The following ERC1 variants were observed in gnomAD, a reference collection of about 807,000 sequenced individuals.
ERC1 encodes the protein RAB6 interacting protein 2.
In ERC1, 56 loss-of-function variants were observed where a neutral mutation model predicts 132.0. That is an observed-to-expected ratio of 0.42 (90% CI 0.34 to 0.53). The LOEUF (loss-of-function observed/expected upper bound fraction) is 0.53. ERC1 is among the 20% of genes least tolerant of loss of function. The pLI is 0.03. For synonymous variants in ERC1, 478 were observed against 476.1 expected (o/e 1.00, Z -0.05); for missense variants, 1,202 against 1,349.9 (o/e 0.89, Z 1.72).
At chr12:1,032,633 A>G (rs1968263088) in intron 2 of ERC1, among the ~76,000 whole-genome samples, 1 of 152,180 alleles carries the variant, frequency 6.6e-6, no homozygotes, top group African/African-American at 2.4e-5. Context: ...GGTGATTTTG[A>G]TGTCTCTTCA....
At chr12:1,372,660 C>T (rs906010035) in intron 16 of ERC1, among the ~76,000 whole-genome samples, 9 of 152,160 alleles carry the variant, frequency 5.9e-5, no homozygotes, top group African/African-American at 2.2e-4. Flanking sequence ...TACATCGGAG[C>T]CCTGCTTGAA....
intron 15 of ERC1, among the ~76,000 whole-genome samples, chr12:1,335,200 C>G (rs2083210699): frequency 6.6e-6 from 1 of 152,048 alleles, no homozygotes; most frequent in African/African-American, 2.4e-5. Context: ...TCCTCTCTTC[C>G]CATTTGGATA....
At chr12:1,358,622 C>A (rs1024408033) in intron 15 of ERC1, among the ~76,000 whole-genome samples, 11 of 152,178 alleles carry the variant, frequency 7.2e-5, no homozygotes, top group Non-Finnish European at 4.4e-5. Flanking sequence ...TAATTTCTTT[C>A]ATGTTTGAGA....
At chr12:1,289,542 C>T (rs1395367602) in intron 14 of ERC1, among the ~76,000 whole-genome samples, 1 of 151,988 alleles carries the variant, frequency 6.6e-6, no homozygotes, top group Non-Finnish European at 1.5e-5. Context: ...TGGGTCATTT[C>T]CAAAGAACTT....
intron 2 of ERC1, 115 bp downstream of exon 2, chr12:1,028,687 C>G (rs1967349236): frequency 4.5e-6 from 4 of 896,620 alleles, no homozygotes; most frequent in Non-Finnish European, 6.6e-6. Flanking sequence ...TTCCTTTTTC[C>G]TATTGATTTT....
intron 2 of ERC1, among the ~76,000 whole-genome samples, chr12:1,040,036 AT>A (rs956525189): frequency 6.6e-6 from 1 of 152,118 alleles, no homozygotes; most frequent in Non-Finnish European, 1.5e-5. Flanking sequence ...CTGATTTATG[AT>A]TTTTTTACAA....
chr12:1,047,177 G>T (rs373177292), intron 2 of ERC1, among the ~76,000 whole-genome samples: 1 of 151,884 alleles, frequency 6.6e-6, no homozygotes, highest in Admixed American at 6.6e-5. Flanking sequence ...GTTCATTTTT[G>T]GTATAATTAG....
rs114273163 is a variant in ERC1 at position 1,399,291 on chromosome 12, A to C, written c.2926-8858A>C. On this transcript the variant is annotated intron_variant, in intron 16 of 18. Transcript: ENST00000360905. ...TTAAGAGCAAAAGCATTATTTACTT[A>C]CATGGCTGCACATTGGCTTATTTTA... Among the ~76,000 whole-genome samples the C allele has an allele frequency of 3.7e-3, 566 of 152,232 alleles. 1 individual carries two copies. Among genetic ancestry groups the C allele is most frequent in the African/African-American group, 0.013 (544 of 41,558 alleles).
At chr12:1,419,394 T>C (rs977921969) in intron 17 of ERC1, among the ~76,000 whole-genome samples, 8 of 151,548 alleles carry the variant, frequency 5.3e-5, no homozygotes, top group Non-Finnish European at 1.2e-4. Flanking sequence ...AGATATGACA[T>C]ACCTTTCTTG....
At chr12:1,068,646 A>G (rs1259028842) in intron 2 of ERC1, among the ~76,000 whole-genome samples, 1 of 150,472 alleles carries the variant, frequency 6.6e-6, no homozygotes, top group East Asian at 1.9e-4. Flanking sequence ...TTTTATTGAT[A>G]ATTTTGTTTT....
intron 7 of ERC1, among the ~76,000 whole-genome samples, chr12:1,119,289 G>A (rs1217770944): frequency 5.3e-5 from 8 of 151,518 alleles, no homozygotes; most frequent in Admixed American, 3.9e-4. Flanking sequence ...CCTATTCAGG[G>A]TACATGGACT....
intron 15 of ERC1, among the ~76,000 whole-genome samples, chr12:1,366,672 A>T (rs2086690370): frequency 6.6e-6 from 1 of 152,192 alleles, no homozygotes; most frequent in Admixed American, 6.5e-5. Flanking sequence ...GTATAGAATG[A>T]TGGAGAAATC....
At chr12:1,218,066 A>G (rs1407059861) in intron 12 of ERC1, among the ~76,000 whole-genome samples, 1 of 152,214 alleles carries the variant, frequency 6.6e-6, no homozygotes, top group Admixed American at 6.5e-5. Context: ...TGACTGTATC[A>G]TTCTGTTCTC....
intron 2 of ERC1, among the ~76,000 whole-genome samples, chr12:1,036,888 CTA>C (rs995836454): frequency 2.0e-5 from 3 of 152,178 alleles, no homozygotes; most frequent in African/African-American, 7.2e-5. Context: ...GTTAAAGGCA[CTA>C]TGCAGAGTGC....
intron 17 of ERC1, among the ~76,000 whole-genome samples, chr12:1,433,784 G>A (rs1016505765): frequency 2.0e-5 from 3 of 152,226 alleles, no homozygotes; most frequent in South Asian, 2.1e-4. Context: ...AGGCAACTGA[G>A]TATGGAGAAT....
At chr12:1,075,623 G>A (rs1341359549) in intron 2 of ERC1, among the ~76,000 whole-genome samples, 1 of 151,982 alleles carries the variant, frequency 6.6e-6, no homozygotes, top group Non-Finnish European at 1.5e-5. Context: ...CCTGGGAGGC[G>A]GAGGTTGCAG....
intron 12 of ERC1, among the ~76,000 whole-genome samples, chr12:1,196,876 C>CTCTG (rs1161153778): frequency 2.1e-5 from 3 of 142,224 alleles, no homozygotes; most frequent in African/African-American, 5.5e-5. Flanking sequence ...CTCTCTCTCT[C>CTCTG]TCTGTCTGTC....
At position 1,065,959 on chromosome 12, in the gene ERC1, G is replaced by A. The variant is rs115450438; in HGVS notation, c.670-17205G>A. Reference sequence around the variant, plus strand: ...GTTCCGTGTATATGTAATATATTTTGTAGATAAATCTACAGATGTAGAATG... The same window carrying A: ...GTTCCGTGTATATGTAATATATTTTATAGATAAATCTACAGATGTAGAATG... On this transcript the variant is annotated intron_variant, in intron 2 of 18. Coordinates refer to ENST00000360905, the MANE Select transcript of ERC1 (RefSeq NM_178040.4). Among the ~76,000 whole-genome samples, 741 of 152,286 alleles carry A rather than the reference G, an allele frequency of 4.9e-3. 2 individuals are homozygous for A. The highest frequency in any genetic ancestry group is 0.017 in the African/African-American group (694 of 41,562).
At chr12:1,479,965 C>T (rs998617919) in intron 18 of ERC1, among the ~76,000 whole-genome samples, 5 of 152,170 alleles carry the variant, frequency 3.3e-5, no homozygotes, top group Non-Finnish European at 5.9e-5. Context: ...CCCTGGAATA[C>T]AGCACATGTT....
Sources: allele counts gnomAD v4.1 joint callset (sites outside exome capture counted in the v4.1 genomes callset), GRCh38; gene constraint gnomAD v4.1.1; transcripts MANE v1.5; gene names NCBI Gene and HGNC (gene_info 2026-07-23, HGNC 2026-07-21).